Variants in SUGCT observed in about 807,000 individuals in gnomAD.
SUGCT encodes the protein succinyl-CoA:glutarate-CoA transferase.
A neutral mutation model predicts 55.0 loss-of-function variants in SUGCT; 41 were observed. That is an observed-to-expected ratio of 0.74 (90% CI 0.58 to 0.97). The LOEUF (loss-of-function observed/expected upper bound fraction) is 0.97. Ranked by LOEUF, SUGCT falls within the 50% of genes least tolerant of loss-of-function variation. The pLI, the probability that SUGCT is intolerant of heterozygous loss-of-function variation, is 0.00. For missense variants in SUGCT, 568 were observed against 547.8 expected (o/e 1.04, Z -0.37); for synonymous variants, 187 against 200.4 (o/e 0.93, Z 0.56).
intron 9 of SUGCT, among the ~76,000 whole-genome samples, chr7:40,446,619 T>A (rs1788853916): frequency 6.6e-6 from 1 of 152,190 alleles, no homozygotes; most frequent in African/African-American, 2.4e-5. Context: ...AAAACCTTTT[T>A]ATAATGTATT....
chr7:40,162,111 T>C (rs1784188486), intron 1 of SUGCT, among the ~76,000 whole-genome samples: 1 of 152,110 alleles, frequency 6.6e-6, no homozygotes, highest in African/African-American at 2.4e-5. Context: ...TTGGGCAGGA[T>C]GGTCTCGATC....
At position 40,487,763 on chromosome 7, in the gene SUGCT, C is replaced by T. The variant is rs565205560; in HGVS notation, c.987-8521C>T. Reference sequence around the variant, plus strand: ...TGACTCCATTATTATTATATAAGGTCCTTCTCTATTGTCTTTACAGTTTTT... The same window carrying T: ...TGACTCCATTATTATTATATAAGGTTCTTCTCTATTGTCTTTACAGTTTTT... On this transcript the variant is annotated intron_variant, in intron 11 of 13. Coordinates refer to ENST00000335693, the MANE Select transcript of SUGCT (RefSeq NM_001193313.2). 7.9e-5 allele frequency among the ~76,000 whole-genome samples: 12 copies of T among 151,878 alleles called. No homozygotes were observed. The South Asian group carries it at 1.9e-3, about 24-fold the overall frequency.
intron 12 of SUGCT, among the ~76,000 whole-genome samples, chr7:40,525,818 G>A (rs963104767): frequency 3.9e-5 from 6 of 152,172 alleles, no homozygotes; most frequent in Non-Finnish European, 7.4e-5. Flanking sequence ...ACTCTTTTAT[G>A]CTTTCTGTGC....
chr7:40,511,840 A>G (rs1792948377), intron 12 of SUGCT, among the ~76,000 whole-genome samples: 1 of 152,154 alleles, frequency 6.6e-6, no homozygotes, highest in South Asian at 2.1e-4. Context: ...TCTTGTTCCA[A>G]AAACATGAAA....
intron 8 of SUGCT, among the ~76,000 whole-genome samples, chr7:40,282,391 C>T (rs1350310872): frequency 1.3e-5 from 2 of 151,888 alleles, no homozygotes; most frequent in African/African-American, 2.4e-5. Flanking sequence ...TCGCTTGAAC[C>T]CGGGAGGTGG....
At chr7:40,216,682 C>T (rs1197702856) in intron 6 of SUGCT, among the ~76,000 whole-genome samples, 1 of 151,418 alleles carries the variant, frequency 6.6e-6, no homozygotes, top group Non-Finnish European at 1.5e-5. Flanking sequence ...TCAAACCCCA[C>T]CTCTTATAAA....
chr7:40,337,505 G>T (rs1181883066), intron 9 of SUGCT, among the ~76,000 whole-genome samples: 2 of 152,070 alleles, frequency 1.3e-5, no homozygotes, highest in African/African-American at 4.8e-5. Flanking sequence ...TTATGTAATG[G>T]CTTTCTTTGT....
intron 12 of SUGCT, chr7:40,538,157 T>A (rs891251749): frequency 6.6e-6 from 1 of 152,218 alleles, no homozygotes; most frequent in Non-Finnish European, 1.5e-5. Flanking sequence ...TTTATTGCTA[T>A]GATTAATAAC....
intron 13 of SUGCT, among the ~76,000 whole-genome samples, chr7:40,812,666 G>T (rs557710499): frequency 1.1e-4 from 17 of 151,982 alleles, no homozygotes; most frequent in African/African-American, 4.1e-4. Flanking sequence ...TCCTTTCAAA[G>T]AACCAACTTT....
the SUGCT span, among the ~76,000 whole-genome samples, chr7:41,006,793 C>T: frequency 6.6e-6 from 1 of 152,176 alleles, no homozygotes; most frequent in South Asian, 2.1e-4. Context: ...ACTCACCCTT[C>T]TCCTTCTTGA....
intron 9 of SUGCT, among the ~76,000 whole-genome samples, chr7:40,396,016 T>C (rs1023644999): frequency 6.6e-6 from 1 of 152,130 alleles, no homozygotes; most frequent in African/African-American, 2.4e-5. Flanking sequence ...GCCAAGAGAA[T>C]GTAAGAGATA....
intron 12 of SUGCT, among the ~76,000 whole-genome samples, chr7:40,658,153 A>G (rs1332396514): frequency 6.6e-6 from 1 of 152,212 alleles, no homozygotes; most frequent in African/African-American, 2.4e-5. Flanking sequence ...ATTTTTGTCC[A>G]TGAATTCTAG....
At position 40,324,248 on chromosome 7, in the gene SUGCT, A is replaced by ATATATATATATATATAT. The variant is rs1562681083; in HGVS notation, c.816+7393_816+7394insTATATATATATATATAT. 4.6e-4 allele frequency among the ~76,000 whole-genome samples: 51 copies of ATATATATATATATATAT among 111,048 alleles called. 1 individual carries two copies. The highest frequency in any genetic ancestry group is 1.7e-3 in the African/African-American group (45 of 25,954). 72.9% of individuals were successfully genotyped at this position (111,048 alleles called of 152,430 possible). The stretch of plus-strand genomic sequence containing the variant: ...GATCATATATATAAATAAATAAATA[A>ATATATATATATATATAT]ATAAATATATATATATTTATTTTTT... On this transcript the variant is annotated intron_variant, in intron 9 of 13. Coordinates refer to ENST00000335693, the MANE Select transcript of SUGCT (RefSeq NM_001193313.2).
intron 12 of SUGCT, among the ~76,000 whole-genome samples, chr7:40,673,305 A>G (rs916106919): frequency 5.9e-5 from 9 of 152,118 alleles, no homozygotes; most frequent in African/African-American, 1.9e-4. Context: ...CTGTAGAGTG[A>G]TGTGTCTGTT....
chr7:41,017,563 G>A, the SUGCT span, among the ~76,000 whole-genome samples: 1 of 152,138 alleles, frequency 6.6e-6, no homozygotes, highest in Admixed American at 6.5e-5. Context: ...GAGGTCAGGA[G>A]ATCGAGACCA....
intron 13 of SUGCT, among the ~76,000 whole-genome samples, chr7:40,818,922 C>T (rs1791826135): frequency 1.8e-5 from 2 of 111,834 alleles, no homozygotes; most frequent in Admixed American, 2.3e-4. Flanking sequence ...CCCCACCCCA[C>T]AACAGGCCCC....
chr7:40,867,961 G>T, the SUGCT span, among the ~76,000 whole-genome samples: 3 of 152,074 alleles, frequency 2.0e-5, no homozygotes, highest in African/African-American at 7.2e-5. Context: ...CTACTCTATA[G>T]GAGATACATA....
intron 8 of SUGCT, among the ~76,000 whole-genome samples, chr7:40,299,194 A>G (rs1794368785): frequency 1.3e-5 from 2 of 152,194 alleles, no homozygotes; most frequent in Admixed American, 6.5e-5. Flanking sequence ...ATGCTTAACT[A>G]TGCCAGACGG....
At chr7:40,676,718 G>C (rs1366953872) in intron 12 of SUGCT, among the ~76,000 whole-genome samples, 6 of 152,012 alleles carry the variant, frequency 3.9e-5, no homozygotes. Flanking sequence ...GGCCAGAGTG[G>C]TCTCGAACTC....
Sources: gnomAD v4.1 joint callset for allele counts (sites outside exome capture counted in the v4.1 genomes callset) on GRCh38, gnomAD v4.1.1 for gene constraint, MANE v1.5 for transcripts, NCBI Gene and HGNC (gene_info 2026-07-23, HGNC 2026-07-21) for gene names.